PRH1: variants seen among roughly 807,000 people sequenced by gnomAD.
The protein encoded by PRH1 is proline rich protein HaeIII subfamily 1, also known as salivary acidic proline-rich phosphoprotein 1/2.
PRH1 carries 7 observed loss-of-function variants against 7.9 expected under a neutral mutation model. That is an observed-to-expected ratio of 0.89 (90% confidence interval 0.50 to 1.67). The LOEUF (loss-of-function observed/expected upper bound fraction) is 1.67, where lower values mean the gene tolerates loss of function less well. Ranked by LOEUF, PRH1 falls within the 40% of genes most tolerant of loss-of-function variation. The probability of loss-of-function intolerance (pLI) is 0.00; values close to 1 mark genes in which losing one functional copy is unlikely to be tolerated. For synonymous variants in PRH1, 45 were observed against 80.8 expected (o/e 0.56, Z 2.38); for missense variants, 109 against 223.6 (o/e 0.49, Z 3.27).
At chr12:10,903,678 G>GA (rs1159209388) in intron 2 of PRH1, among the ~76,000 whole-genome samples, 1 of 150,660 alleles carries the variant, frequency 6.6e-6, no homozygotes, top group Non-Finnish European at 1.5e-5. Flanking sequence ...TCCTAGCCAG[G>GA]ACAATCAGGC....
chr12:11,036,533 C>T (rs750276494), intron 1 of PRH1, among the ~76,000 whole-genome samples: 16 of 152,290 alleles, frequency 1.1e-4, no homozygotes, highest in African/African-American at 1.4e-4. Flanking sequence ...ATGTGTTACT[C>T]GCTTTATCTT....
intron 2 of PRH1, among the ~76,000 whole-genome samples, chr12:10,954,957 G>C (rs533290859): frequency 1.1e-4 from 17 of 152,138 alleles, no homozygotes; most frequent in Non-Finnish European, 2.4e-4. Flanking sequence ...CCTATTAAAA[G>C]ATTTAGAAAA....
chr12:10,913,141 G>C (rs1949924130), intron 2 of PRH1, among the ~76,000 whole-genome samples: 1 of 152,184 alleles, frequency 6.6e-6, no homozygotes, highest in South Asian at 2.1e-4. Flanking sequence ...CTCACATGAG[G>C]TGACATTATC....
At chr12:10,940,984 C>T (rs571527200) in intron 2 of PRH1, among the ~76,000 whole-genome samples, 23 of 152,276 alleles carry the variant, frequency 1.5e-4, no homozygotes, top group African/African-American at 5.5e-4. Flanking sequence ...ACTCAGCTAG[C>T]ATGGACAAAT....
At chr12:11,032,506 C>A (rs1361135890) in intron 1 of PRH1, among the ~76,000 whole-genome samples, 1 of 152,130 alleles carries the variant, frequency 6.6e-6, no homozygotes, top group Non-Finnish European at 1.5e-5. Context: ...CACAAATATA[C>A]ACATGTGCAC....
At chr12:10,977,093 C>A (rs1939138027) in intron 1 of PRH1, among the ~76,000 whole-genome samples, 1 of 152,150 alleles carries the variant, frequency 6.6e-6, no homozygotes, top group Non-Finnish European at 1.5e-5. Context: ...AATACCTAAA[C>A]TTTTCAGAGA....
At chr12:11,102,562 A>C (rs1469050810) in intron 1 of PRH1, among the ~76,000 whole-genome samples, 1 of 152,230 alleles carries the variant, frequency 6.6e-6, no homozygotes, top group East Asian at 1.9e-4. Flanking sequence ...TAAAGACTTA[A>C]ATGTTGGACC....
intron 1 of PRH1, among the ~76,000 whole-genome samples, chr12:11,015,846 C>T (rs1941269239): frequency 6.6e-6 from 1 of 152,202 alleles, no homozygotes; most frequent in South Asian, 2.1e-4. Flanking sequence ...CTTATCTCCC[C>T]TTTCCTTTTG....
At chr12:11,140,863 A>T (rs188247463) in intron 1 of PRH1, among the ~76,000 whole-genome samples, 103 of 152,208 alleles carry the variant, frequency 6.8e-4, no homozygotes, top group Non-Finnish European at 1.2e-3. Context: ...GATAGCTAGG[A>T]TCATCACCAA....
chr12:10,960,573 C>T (rs1246545972), intron 2 of PRH1, among the ~76,000 whole-genome samples: 2 of 152,186 alleles, frequency 1.3e-5, no homozygotes, highest in Non-Finnish European at 2.9e-5. Flanking sequence ...GGGGTAAGAA[C>T]AAAAGCACTG....
chr12:11,162,853 A>G (rs925395572), intron 1 of PRH1, among the ~76,000 whole-genome samples: 7 of 152,234 alleles, frequency 4.6e-5, no homozygotes, highest in African/African-American at 9.6e-5. Flanking sequence ...GCAACCATGG[A>G]AAAATGTGTT....
At chr12:11,037,300 A>AGATCCAG (rs1451983716) in intron 1 of PRH1, among the ~76,000 whole-genome samples, 3 of 152,226 alleles carry the variant, frequency 2.0e-5, no homozygotes, top group African/African-American at 7.2e-5. Context: ...TCATTTTACT[A>AGATCCAG]TAGCAGTCAA....
intron 2 of PRH1, chr12:10,891,494 A>G (rs1433450542): frequency 1.3e-5 from 2 of 152,212 alleles, no homozygotes; most frequent in African/African-American, 4.8e-5. Flanking sequence ...AATTACAAAC[A>G]TTTTAGTCAA....
chr12:11,042,563 C>T (rs1901188), intron 1 of PRH1, among the ~76,000 whole-genome samples: 35,254 of 144,004 alleles, frequency 0.24, 5,816 homozygotes, highest in East Asian at 0.66. Flanking sequence ...AGAACTGATG[C>T]CAATCCTACT....
chr12:11,103,856 A>G (rs1299621847), intron 1 of PRH1, among the ~76,000 whole-genome samples: 1 of 152,026 alleles, frequency 6.6e-6, no homozygotes, highest in African/African-American at 2.4e-5. Context: ...TAACACCTAA[A>G]GAAATTCCTC....
chr12:11,003,991 C>T (rs1023342046), intron 1 of PRH1, among the ~76,000 whole-genome samples: 1 of 152,026 alleles, frequency 6.6e-6, no homozygotes, highest in African/African-American at 2.4e-5. Context: ...TATTAAAACT[C>T]AGCGATATAT....
At chr12:11,153,872 T>C (rs979664316) in intron 1 of PRH1, among the ~76,000 whole-genome samples, 2 of 152,068 alleles carry the variant, frequency 1.3e-5, no homozygotes, top group South Asian at 2.1e-4. Flanking sequence ...ATATAATACA[T>C]ATAATGTGAA....
chr12:11,034,707 A>T (rs1412553755), intron 1 of PRH1: 1 of 152,282 alleles, frequency 6.6e-6, no homozygotes, highest in Non-Finnish European at 1.5e-5. Context: ...GGAGTTCAAG[A>T]CCAGCCTGTG....
chr12:11,073,405 A>G (rs1239973098), intron 1 of PRH1, among the ~76,000 whole-genome samples: 1 of 128,772 alleles, frequency 7.8e-6, no homozygotes, highest in Non-Finnish European at 1.8e-5. Context: ...AAGTGCTGGG[A>G]TTACAGGGGT....
Sources: gnomAD v4.1 joint callset for allele counts (sites outside exome capture counted in the v4.1 genomes callset) on GRCh38, gnomAD v4.1.1 for gene constraint, MANE v1.5 for transcripts, NCBI Gene and HGNC (gene_info 2026-07-23, HGNC 2026-07-21) for gene names.